Variants in NYAP2 observed in about 807,000 individuals in gnomAD.
The protein encoded by NYAP2 is neuronal tyrosine-phosphorylated phosphoinositide-3-kinase adapter 2.
NYAP2 carries 23 observed loss-of-function variants against 50.4 expected under a neutral mutation model. The ratio of observed to expected loss-of-function variants is 0.46; its 90% CI spans 0.33 to 0.65. The LOEUF (loss-of-function observed/expected upper bound fraction) is 0.65. Among genes scored for constraint, NYAP2 ranks in the 30% least tolerant of loss-of-function variants. The pLI, the probability that NYAP2 is intolerant of heterozygous loss-of-function variation, is 0.02. For synonymous variants in NYAP2, 394 were observed against 365.2 expected, an observed-to-expected ratio of 1.08 and a Z score of -0.90; for missense variants, 885 against 861.0, an observed-to-expected ratio of 1.03 and a Z score of -0.35.
intron 5 of NYAP2, among the ~76,000 whole-genome samples, chr2:225,606,191 G>A (rs1692783456): frequency 6.6e-6 from 1 of 152,082 alleles, no homozygotes; most frequent in Non-Finnish European, 1.5e-5. Flanking sequence ...AGTATGAACT[G>A]GTACCCAGGG....
intron 3 of NYAP2, among the ~76,000 whole-genome samples, chr2:225,499,176 G>A (rs773696580): frequency 6.6e-5 from 10 of 152,106 alleles, no homozygotes; most frequent in Non-Finnish European, 1.3e-4. Flanking sequence ...AGCAGGAGAG[G>A]ACAGTATTCA....
chr2:225,653,175 AAGAAG>A (rs1470630632), exon 7 of NYAP2: 3 of 152,240 alleles, frequency 2.0e-5, no homozygotes, highest in African/African-American at 7.2e-5. Context: ...TGGGTACTGA[AAGAAG>A]AGAAGTTTAG....
At chr2:225,627,017 G>A (rs1286519891) in exon 6 of NYAP2, 1 of 1,593,524 alleles carries the variant, frequency 6.3e-7, no homozygotes, top group Non-Finnish European at 8.5e-7. Flanking sequence ...CCTCCAGAGA[G>A]CCTGTCAAAG....
chr2:225,642,264 G>C (rs998838999), intron 6 of NYAP2, among the ~76,000 whole-genome samples: 1 of 151,802 alleles, frequency 6.6e-6, no homozygotes, highest in Non-Finnish European at 1.5e-5. Context: ...GTGTACCATT[G>C]TGTGGAAGTG....
At chr2:225,496,584 A>G (rs543713999) in intron 3 of NYAP2, among the ~76,000 whole-genome samples, 40 of 152,318 alleles carry the variant, frequency 2.6e-4, no homozygotes, top group African/African-American at 9.4e-4. Context: ...CAAAAACAAA[A>G]ACAATAAAGC....
Position 225,482,126 on chromosome 2 carries a change from A to G in NYAP2, c.222-31245A>G, listed in dbSNP as rs1690216909. On this transcript the variant is annotated intron_variant, in intron 3 of 6. Coordinates refer to ENST00000636099, the Ensembl canonical transcript of NYAP2. ...AATAATTCCTATTCCATTATATTCT[A>G]TTCCTTTAACATAAAATTCTACAGT... Among the ~76,000 whole-genome samples, 3 of 152,248 alleles carry G rather than the reference A, an allele frequency of 2.0e-5. 1 individual carries two copies. In the South Asian group the frequency reaches 6.2e-4, roughly 32 times the overall value.
At chr2:225,644,986 A>G (rs1015863404) in intron 6 of NYAP2, among the ~76,000 whole-genome samples, 6 of 152,188 alleles carry the variant, frequency 3.9e-5, no homozygotes, top group Non-Finnish European at 7.3e-5. Flanking sequence ...ATGTCCAGGC[A>G]CACTTCCTCA....
At chr2:225,568,644 A>C (rs536133789) in intron 4 of NYAP2, among the ~76,000 whole-genome samples, 8 of 152,350 alleles carry the variant, frequency 5.3e-5, no homozygotes, top group Non-Finnish European at 1.0e-4. Flanking sequence ...AAGACAGACA[A>C]GGAACCATTA....
the NYAP2 span, among the ~76,000 whole-genome samples, chr2:225,663,548 T>G: frequency 6.6e-6 from 1 of 151,966 alleles, no homozygotes; most frequent in Non-Finnish European, 1.5e-5. Context: ...CCACCACAGT[T>G]CTTTCTCACT....
At chr2:225,661,954 C>A in the NYAP2 span, among the ~76,000 whole-genome samples, 2 of 152,134 alleles carry the variant, frequency 1.3e-5, no homozygotes, top group Non-Finnish European at 1.5e-5. Context: ...GAACTCCTGA[C>A]CTCAAGTGAT....
the NYAP2 span, among the ~76,000 whole-genome samples, chr2:225,690,758 G>A: frequency 6.6e-6 from 1 of 151,884 alleles, no homozygotes; most frequent in African/African-American, 2.4e-5. Context: ...TTCAAATCTA[G>A]GTTTCATCAT....
chr2:225,640,898 A>G (rs1183879035), intron 6 of NYAP2, among the ~76,000 whole-genome samples: 1 of 152,244 alleles, frequency 6.6e-6, no homozygotes, highest in Admixed American at 6.5e-5. Context: ...AGAAAAAAAT[A>G]CAACTTGATA....
At chr2:225,692,094 A>G in the NYAP2 span, among the ~76,000 whole-genome samples, 1 of 152,176 alleles carries the variant, frequency 6.6e-6, no homozygotes, top group Admixed American at 6.6e-5. Context: ...AAGGTTAACA[A>G]GGCGCTTGCT....
chr2:225,679,466 C>A, the NYAP2 span, among the ~76,000 whole-genome samples: 1 of 145,930 alleles, frequency 6.9e-6, no homozygotes, highest in African/African-American at 2.5e-5. Context: ...GTAATACATT[C>A]TCATTTTAAG....
At chr2:225,405,494 A>G (rs564044014) in intron 2 of NYAP2, among the ~76,000 whole-genome samples, 58 of 152,158 alleles carry the variant, frequency 3.8e-4, no homozygotes, top group Admixed American at 1.2e-3. Context: ...GGTTTACAAC[A>G]TATGTTATTC....
At chr2:225,633,590 T>G (rs953528928) in intron 6 of NYAP2, among the ~76,000 whole-genome samples, 1 of 152,196 alleles carries the variant, frequency 6.6e-6, no homozygotes, top group Non-Finnish European at 1.5e-5. Flanking sequence ...ATTCCCACAT[T>G]TGTTAGAAGC....
intron 6 of NYAP2, among the ~76,000 whole-genome samples, chr2:225,642,303 T>TA (rs567555284): frequency 3.3e-5 from 5 of 151,976 alleles, no homozygotes; most frequent in Admixed American, 6.6e-5. Flanking sequence ...GCAGGGAAGC[T>TA]AAAAAAAATC....
intron 3 of NYAP2, among the ~76,000 whole-genome samples, chr2:225,455,802 G>T (rs1244578939): frequency 6.6e-6 from 1 of 152,186 alleles, no homozygotes; most frequent in East Asian, 1.9e-4. Flanking sequence ...GGATGGAAAT[G>T]TTTGAGAAAC....
rs371936878 is a variant in NYAP2, at chr2:225,582,912, C to G, written c.1495C>G (p.Pro499Ala). 2 of 1,613,150 alleles carry G rather than the reference C, an allele frequency of 1.2e-6. No individual in the cohort carries two copies. Among genetic ancestry groups the G allele is most frequent in the East Asian group, 4.5e-5 (2 of 44,858 alleles). ...CGCGGTGAACACCTACGGGGCAGCC[C>G]CGGGTGGCTCCCGGTCCCGGACACC... The change falls in exon 5 of 7, where the codon CCG (proline) becomes GCG (alanine). Residue 499 changes from proline to alanine, a missense_variant. Transcript: ENST00000636099. The surrounding 1 kb of genome is among the most constrained non-coding windows in gnomAD (Gnocchi z 7.0).
Sources: gnomAD v4.1 joint callset for allele counts (sites outside exome capture counted in the v4.1 genomes callset) on GRCh38, gnomAD v4.1.1 for gene constraint, Gnocchi (gnomAD v3.1) non-coding constraint, MANE v1.5 for transcripts, NCBI Gene and HGNC (gene_info 2026-07-23, HGNC 2026-07-21) for gene names.